TBPL1: variants seen among roughly 807,000 people sequenced by gnomAD.
TBPL1 encodes TATA box-binding protein-like 1.
A neutral mutation model predicts 22.1 loss-of-function variants in TBPL1; 4 were observed. The observed-to-expected ratio is 0.18, with a 90% CI of 0.09 to 0.41. The LOEUF (loss-of-function observed/expected upper bound fraction) is 0.41, where lower values mean the gene tolerates loss of function less well. Ranked by LOEUF, TBPL1 falls within the 10% of genes least tolerant of loss-of-function variation. The pLI is 1.00. For synonymous variants in TBPL1, 64 were observed against 71.0 expected (o/e 0.90, Z 0.50); for missense variants, 115 against 222.3 (o/e 0.52, Z 3.07).
At chr6:133,973,287 GCTT>G (rs1776256708) in intron 1 of TBPL1, among the ~76,000 whole-genome samples, 1 of 152,270 alleles carries the variant, frequency 6.6e-6, no homozygotes, top group Middle Eastern at 3.4e-3. Context: ...GTCCTCCCCT[GCTT>G]CTGCCATTTC....
intron 4 of TBPL1, among the ~76,000 whole-genome samples, chr6:133,983,746 G>A (rs1776457361): frequency 6.6e-6 from 1 of 152,144 alleles, no homozygotes; most frequent in African/African-American, 2.4e-5. Flanking sequence ...GAGATGAAAC[G>A]AAGATGTTGG....
chr6:133,982,517 C>G (rs546029070), intron 2 of TBPL1, 51 bp from the exon 3 acceptor site: 3 of 1,533,642 alleles, frequency 2.0e-6, no homozygotes, highest in East Asian at 2.3e-5. Context: ...AGAACAGAAC[C>G]TTATGTGAAA....
intron 1 of TBPL1, among the ~76,000 whole-genome samples, chr6:133,973,096 G>T (rs955389883): frequency 9.9e-5 from 15 of 152,198 alleles, no homozygotes; most frequent in African/African-American, 3.1e-4. Context: ...GGCATGTGTT[G>T]AGAGACTGTC....
chr6:133,973,098 GAGACTGTCAA>G, intron 1 of TBPL1, among the ~76,000 whole-genome samples: 2 of 152,322 alleles, frequency 1.3e-5, no homozygotes, highest in East Asian at 3.9e-4. Flanking sequence ...CATGTGTTGA[GAGACTGTCAA>G]GTAATGTGTT....
intron 6 of TBPL1, among the ~76,000 whole-genome samples, chr6:133,985,294 AAAAATATATATAT>A (rs1776491332): frequency 1.5e-5 from 1 of 68,076 alleles, no homozygotes; most frequent in African/African-American, 6.4e-5. Flanking sequence ...AAAAAAAAAA[AAAAATATATATAT>A]ATATATATAT....
At chr6:133,974,661 A>C in intron 1 of TBPL1, among the ~76,000 whole-genome samples, 1 of 152,238 alleles carries the variant, frequency 6.6e-6, no homozygotes, top group East Asian at 1.9e-4. Context: ...CTGGTTGACT[A>C]TAGTTCCACA....
chr6:133,965,474 T>A (rs1276081076), intron 1 of TBPL1, among the ~76,000 whole-genome samples: 1 of 152,176 alleles, frequency 6.6e-6, no homozygotes. Context: ...TAACATGTAG[T>A]AGATTTGGTC....
chr6:133,968,704 G>A (rs774333033), intron 1 of TBPL1, among the ~76,000 whole-genome samples: 8 of 152,062 alleles, frequency 5.3e-5, no homozygotes, highest in Non-Finnish European at 7.4e-5. Flanking sequence ...GATGGAGTCC[G>A]CTCTCGCCCA....
intron 1 of TBPL1, among the ~76,000 whole-genome samples, chr6:133,955,124 C>T (rs1164634677): frequency 6.6e-6 from 1 of 151,564 alleles, no homozygotes; most frequent in Non-Finnish European, 1.5e-5. Context: ...ACTGGGATAG[C>T]CATACTTGAG....
At chr6:133,972,257 A>G (rs1319158989) in intron 1 of TBPL1, among the ~76,000 whole-genome samples, 1 of 152,256 alleles carries the variant, frequency 6.6e-6, no homozygotes, top group Non-Finnish European at 1.5e-5. Context: ...CAAAATTAAC[A>G]GTAATTTCAT....
chr6:133,964,892 A>C (rs1776092518), intron 1 of TBPL1, among the ~76,000 whole-genome samples: 1 of 152,232 alleles, frequency 6.6e-6, no homozygotes, highest in Non-Finnish European at 1.5e-5. Context: ...AAAACAGTCG[A>C]AACTATGAAA....
Position 133,986,997 on chromosome 6 carries a change from A to G in TBPL1, c.518A>G (p.Gln173Arg). 1.2e-6 allele frequency: 2 copies of G among 1,610,550 alleles called. No individual in the cohort carries two copies. Among genetic ancestry groups the G allele is most frequent in the African/African-American group, 1.3e-5 (1 of 74,866 alleles). ...AAGGCTGTTGCTACTGCTGTGGAAC[A>G]GATTTACCCATTTGTGTTTGAAAGC... ...NVKAVATAVE[Q>R]IYPFVFESRK... Residue 173 changes from glutamine (Q) to arginine (R), a missense_variant, in exon 7 of 7, where the codon CAG becomes CGG. Physicochemically the swap from Gln to Arg is conservative, Grantham distance 43 (BLOSUM62 1). Coordinates refer to ENST00000237264, the MANE Select transcript of TBPL1 (RefSeq NM_004865.4).
chr6:133,986,552 A>G (rs1164530919), intron 6 of TBPL1, among the ~76,000 whole-genome samples: 1 of 151,966 alleles, frequency 6.6e-6, no homozygotes, highest in Non-Finnish European at 1.5e-5. Context: ...GCTTTGTTTC[A>G]CTCTGCTGTG....
intron 1 of TBPL1, among the ~76,000 whole-genome samples, chr6:133,979,290 T>C (rs1361611679): frequency 6.6e-6 from 1 of 152,238 alleles, no homozygotes; most frequent in Non-Finnish European, 1.5e-5. Context: ...GTAAATGTTA[T>C]TCATATTTTT....
chr6:133,986,953 T>C lies in TBPL1; in HGVS notation c.482-8T>C. 6.2e-7 allele frequency: 1 copy of C among 1,602,822 alleles called. No individual in the cohort carries two copies. The highest frequency in any genetic ancestry group is 8.5e-7 in the Non-Finnish European group (1 of 1,174,346). ...TTCTCACTCCTTCCTCCATTGTGTT[T>C]ATTACAGGGCCCAATGTAAAGGCTG... On this transcript the variant is annotated splice_region_variant and splice_polypyrimidine_tract_variant and intron_variant, in intron 6 of 6. Transcript: ENST00000237264.
At chr6:133,974,977 T>C (rs1776289025) in intron 1 of TBPL1, among the ~76,000 whole-genome samples, 1 of 152,206 alleles carries the variant, frequency 6.6e-6, no homozygotes, top group Admixed American at 6.5e-5. Context: ...TATAATTGTC[T>C]TAAATGTTTA....
chr6:133,979,044 G>GCAAACAAGCC (rs1554304097), intron 1 of TBPL1, among the ~76,000 whole-genome samples: 3 of 152,126 alleles, frequency 2.0e-5, no homozygotes, highest in Non-Finnish European at 4.4e-5. Context: ...ACTGGGGCTT[G>GCAAACAAGCC]TTTGTTTGTA....
In TBPL1 at chr6:133,971,376, G is replaced by A. The variant is rs552460861; in HGVS notation, c.-44-8706G>A. ...TATAAATAGTGCTGCAGTAAATAGC[G>A]AAGTATAGAAATCTCTTCAACATCC... is the stretch of plus-strand genomic sequence containing the variant. On this transcript the variant is annotated intron_variant, in intron 1 of 6. Transcript: ENST00000237264. Among the ~76,000 whole-genome samples, 189 of 152,244 alleles carry A rather than the reference G, an allele frequency of 1.2e-3. 1 individual carries two copies. In the South Asian group the frequency reaches 0.013, roughly 10 times the overall value.
rs534686588 is a variant in TBPL1, at chr6:133,985,427, ACT to A, written c.481+758_481+759del. Among the ~76,000 whole-genome samples, 1,103 of 149,182 alleles carry A rather than the reference ACT, an allele frequency of 7.4e-3. 8 individuals carry two copies. Among genetic ancestry groups the A allele is most frequent in the Non-Finnish European group, 0.013 (855 of 67,552 alleles). On this transcript the variant is annotated intron_variant, in intron 6 of 6. Coordinates refer to ENST00000237264, the MANE Select transcript of TBPL1 (RefSeq NM_004865.4). The stretch of plus-strand genomic sequence containing the variant: ...CTTACATTTAAAATTCTCATGAGAA[ACT>A]CATAAATTTCACAGAGGTTTTACAT...
Sources: gnomAD v4.1 joint callset for allele counts (sites outside exome capture counted in the v4.1 genomes callset) on GRCh38, gnomAD v4.1.1 for gene constraint, MANE v1.5 for transcripts, NCBI Gene and HGNC (gene_info 2026-07-23, HGNC 2026-07-21) for gene names.